CCDC148: variants seen among roughly 807,000 people sequenced by gnomAD.
CCDC148 encodes coiled-coil domain-containing protein 148.
A neutral mutation model predicts 85.7 loss-of-function variants in CCDC148; 89 were observed. The observed-to-expected ratio is 1.04, with a 90% confidence interval of 0.87 to 1.24. The LOEUF (loss-of-function observed/expected upper bound fraction) is 1.24, where lower values mean the gene tolerates loss of function less well. Among genes scored for constraint, CCDC148 ranks in the 50% most tolerant of loss-of-function variants. The pLI, the probability that CCDC148 is intolerant of heterozygous loss-of-function variation, is 0.00. For missense variants in CCDC148, 692 were observed against 671.7 expected (o/e 1.03, Z -0.33); for synonymous variants, 230 against 213.9 (o/e 1.08, Z -0.66).
At position 158,238,958 on chromosome 2, in the gene CCDC148, CT is replaced by C. The variant is rs1190196588; in HGVS notation, c.1251+11813del. On this transcript the variant is annotated intron_variant, in intron 10 of 13. Coordinates refer to ENST00000283233, the MANE Select transcript of CCDC148 (RefSeq NM_138803.4). ...CAGACCACTCAGGTTCAAATCCTTACTGCACACTTAATGTTCATGTGACTTT... is the reference window on the plus strand; with the variant it reads ...CAGACCACTCAGGTTCAAATCCTTACGCACACTTAATGTTCATGTGACTTT... Among the ~76,000 whole-genome samples, 5 of 152,272 alleles carry C rather than the reference CT, an allele frequency of 3.3e-5. No individual in the cohort carries two copies. In the East Asian group the frequency reaches 9.7e-4, roughly 29 times the overall value.
chr2:158,189,883 A>C (rs1473312859), intron 11 of CCDC148, among the ~76,000 whole-genome samples: 1 of 151,988 alleles, frequency 6.6e-6, no homozygotes, highest in Non-Finnish European at 1.5e-5. Flanking sequence ...CCTAAAACAC[A>C]GAAGATATGC....
intron 1 of CCDC148, among the ~76,000 whole-genome samples, chr2:158,433,871 AC>A (rs1257174942): frequency 6.6e-6 from 1 of 152,230 alleles, no homozygotes; most frequent in Non-Finnish European, 1.5e-5. Context: ...AGCCTCGCTC[AC>A]TGCTAGCACA....
intron 7 of CCDC148, among the ~76,000 whole-genome samples, chr2:158,321,637 T>C (rs1692523448): frequency 6.6e-6 from 1 of 152,178 alleles, no homozygotes; most frequent in African/African-American, 2.4e-5. Context: ...ATTATACCCC[T>C]TTCCCTCTCT....
intron 7 of CCDC148, among the ~76,000 whole-genome samples, chr2:158,333,636 A>T (rs1693266307): frequency 6.6e-6 from 1 of 152,028 alleles, no homozygotes; most frequent in Non-Finnish European, 1.5e-5. Flanking sequence ...CTCCACTATT[A>T]TTGTGTGGGA....
chr2:158,245,034 C>T (rs1688512709), intron 10 of CCDC148, among the ~76,000 whole-genome samples: 1 of 152,096 alleles, frequency 6.6e-6, no homozygotes, highest in Non-Finnish European at 1.5e-5. Flanking sequence ...TGATTCATTG[C>T]CCTGATAAGA....
intron 10 of CCDC148, among the ~76,000 whole-genome samples, chr2:158,238,225 A>G (rs985480317): frequency 1.3e-5 from 2 of 151,656 alleles, no homozygotes; most frequent in African/African-American, 4.8e-5. Flanking sequence ...AAAAAGGGGG[A>G]TGGTGGTGGG....
intron 10 of CCDC148, among the ~76,000 whole-genome samples, chr2:158,239,562 GTTAAT>G (rs912217846): frequency 2.4e-5 from 3 of 124,778 alleles, no homozygotes; most frequent in Non-Finnish European, 5.6e-5. Context: ...ATGTTAGAAG[GTTAAT>G]TTAATTTAAA....
At chr2:158,455,747 C>A (rs946408470) in intron 1 of CCDC148, among the ~76,000 whole-genome samples, 1 of 152,124 alleles carries the variant, frequency 6.6e-6, no homozygotes, top group Non-Finnish European at 1.5e-5. Context: ...CTAATATGTT[C>A]ATGAAATCTC....
At chr2:158,305,750 T>A (rs1278385299) in intron 9 of CCDC148, among the ~76,000 whole-genome samples, 38 of 95,714 alleles carry the variant, frequency 4.0e-4, no homozygotes, top group African/African-American at 1.5e-3. Flanking sequence ...TGAAACCCTG[T>A]CTCTTAAAAA....
At chr2:158,426,991 C>T (rs575279314) in intron 1 of CCDC148, among the ~76,000 whole-genome samples, 5 of 152,190 alleles carry the variant, frequency 3.3e-5, no homozygotes, top group Admixed American at 1.3e-4. Context: ...TAAGTTCAAA[C>T]GTATAATTAA....
intron 10 of CCDC148, among the ~76,000 whole-genome samples, chr2:158,240,615 T>C (rs2105320540): frequency 6.6e-6 from 1 of 152,150 alleles, no homozygotes; most frequent in East Asian, 1.9e-4. Context: ...CACAGGGACC[T>C]CTCTGCTATG....
At chr2:158,371,723 C>CACAT (rs1684450929) in intron 1 of CCDC148, among the ~76,000 whole-genome samples, 1 of 150,614 alleles carries the variant, frequency 6.6e-6, no homozygotes, top group Non-Finnish European at 1.5e-5. Context: ...GGCATGTATA[C>CACAT]ATATATATAT....
intron 1 of CCDC148, chr2:158,425,220 T>C (rs1444353399): frequency 3.7e-6 from 2 of 536,446 alleles, no homozygotes; most frequent in Non-Finnish European, 7.5e-6. Flanking sequence ...TGCACAGGTG[T>C]ATGCAGACTA....
intron 1 of CCDC148, among the ~76,000 whole-genome samples, chr2:158,436,211 G>A (rs1687644051): frequency 6.6e-6 from 1 of 152,060 alleles, no homozygotes; most frequent in Non-Finnish European, 1.5e-5. Flanking sequence ...TTCCAAAATT[G>A]ACCACATAGT....
At chr2:158,296,549 T>C (rs1691197730) in intron 9 of CCDC148, among the ~76,000 whole-genome samples, 1 of 152,226 alleles carries the variant, frequency 6.6e-6, no homozygotes, top group South Asian at 2.1e-4. Flanking sequence ...TATGGTTGCC[T>C]GAAATTTTGT....
At chr2:158,411,927 C>T (rs1007487901) in intron 1 of CCDC148, among the ~76,000 whole-genome samples, 2 of 151,920 alleles carry the variant, frequency 1.3e-5, no homozygotes, top group Admixed American at 6.5e-5. Flanking sequence ...GGAATCAGGT[C>T]AGGGGCATAG....
chr2:158,358,245 A>G (rs1265909640), intron 2 of CCDC148, among the ~76,000 whole-genome samples: 1 of 152,210 alleles, frequency 6.6e-6, no homozygotes, highest in African/African-American at 2.4e-5. Context: ...TGAACATTAA[A>G]TGGGTAATGT....
chr2:158,210,735 A>T (rs1425928224), intron 11 of CCDC148, among the ~76,000 whole-genome samples: 7 of 146,658 alleles, frequency 4.8e-5, no homozygotes, highest in Non-Finnish European at 7.5e-5. Flanking sequence ...CGAGGTCAGG[A>T]GATTGAGAAC....
chr2:158,298,810 T>G (rs1691312986), intron 9 of CCDC148, among the ~76,000 whole-genome samples: 1 of 152,234 alleles, frequency 6.6e-6, no homozygotes, highest in South Asian at 2.1e-4. Flanking sequence ...ATCATAATTA[T>G]CTTGAGGTTC....
Sources: allele counts gnomAD v4.1 joint callset (sites outside exome capture counted in the v4.1 genomes callset), GRCh38; gene constraint gnomAD v4.1.1; transcripts MANE v1.5; gene names NCBI Gene and HGNC (gene_info 2026-07-23, HGNC 2026-07-21).